Variants in ALOX15 observed in about 807,000 individuals in gnomAD.
The protein encoded by ALOX15 is arachidonate 15-lipoxygenase.
ALOX15 carries 68 observed loss-of-function variants against 71.7 expected under a neutral mutation model. That is an observed-to-expected ratio of 0.95 (90% CI 0.78 to 1.16). ALOX15 has a LOEUF of 1.16. Among genes scored for constraint, ALOX15 ranks in the 50% most tolerant of loss-of-function variants. The pLI is 0.00. For synonymous variants in ALOX15, 346 were observed against 333.3 expected (o/e 1.04, Z -0.42); for missense variants, 798 against 818.8 (o/e 0.97, Z 0.31).
rs138619686 is a variant in ALOX15, at chr17:4,641,299, G to A, written c.135+218C>T. Among the ~76,000 whole-genome samples the A allele has an allele frequency of 8.8e-3, 1,342 of 152,256 alleles. 14 individuals are homozygous for A. Among genetic ancestry groups the A allele is most frequent in the South Asian group, 0.046 (222 of 4,820 alleles). On this transcript the variant is annotated intron_variant, in intron 1 of 13. Transcript: ENST00000293761. ...ACAGGAGCATGCCCTCAATTCCAAGGAGATCGGGTAGCGGCAACATTTATT... is the reference window on the plus strand; with the variant it reads ...ACAGGAGCATGCCCTCAATTCCAAGAAGATCGGGTAGCGGCAACATTTATT...
chr17:4,637,060 G>A (rs11568109), intron 7 of ALOX15, 55 bp downstream of exon 7: 21,987 of 1,568,404 alleles, frequency 0.014, 387 homozygotes, highest in African/African-American at 0.084. Context: ...TTTGATAAGG[G>A]GCTGAGCTTT....
At chr17:4,633,078 C>A in intron 10 of ALOX15, 68 bp downstream of exon 10, 3 of 1,608,796 alleles carry the variant, frequency 1.9e-6, no homozygotes, top group Non-Finnish European at 1.7e-6. Context: ...CAGACGCAGA[C>A]CTCCTGCTCT....
intron 6 of ALOX15, 49 bp downstream of exon 6, chr17:4,638,168 G>A (rs1172514907): frequency 3.5e-6 from 2 of 578,444 alleles, no homozygotes; most frequent in Admixed American, 6.1e-5. Flanking sequence ...ATTGGCACTA[G>A]GCCACCCCAC....
Position 4,631,237 on chromosome 17 carries a change from C to A in ALOX15, c.*363G>T, listed in dbSNP as rs539035649. ...TCAAAGTGAGACTCTGTCTTAACAA[C>A]AACAAAAAAATCATATTTGATTCAT... On this transcript the variant is annotated 3_prime_UTR_variant, in exon 14 of 14. Transcript: ENST00000293761. 4.6e-5 allele frequency: 9 copies of A among 197,644 alleles called. No individual in the cohort carries two copies. In the East Asian group the frequency reaches 1.0e-3, roughly 23 times the overall value. The allele number at this position is 197,644 out of a possible 1,614,324, so 12.2% of individuals were successfully genotyped here. A position where few individuals can be genotyped will look rare whatever the true frequency, so the allele number is the denominator to read the frequency against.
intron 8 of ALOX15, among the ~76,000 whole-genome samples, chr17:4,635,112 C>T (rs1485712848): frequency 6.6e-6 from 1 of 151,732 alleles, no homozygotes; most frequent in Non-Finnish European, 1.5e-5. Context: ...ATCCATTACA[C>T]TAGGCTTCTT....
Position 4,633,257 on chromosome 17 carries a change from A to G in ALOX15, c.1307T>C (p.Leu436Pro). ...VQLLKQAGAF[L>P]TYSSFCPPDD... is the part of the protein sequence containing the mutation. The stretch of plus-strand genomic sequence containing the variant: ...AGGGGGACAGAAGGAGCTGTAGGTT[A>G]GGAAGGCTCCAGCTTGCTTGAGCAG... Residue 436 changes from leucine to proline, a missense_variant, in exon 10 of 14, where the codon CTA (leucine) becomes CCA (proline). Around this residue, in one of 3 missense-constraint regions of ALOX15, gnomAD observed 490 missense variants for 509.4 expected, o/e 0.96. Coordinates refer to ENST00000293761, the MANE Select transcript of ALOX15 (RefSeq NM_001140.5). 1.2e-6 allele frequency: 2 copies of G among 1,614,214 alleles called. No individual in the cohort carries two copies. The highest frequency in any genetic ancestry group is 1.7e-6 in the Non-Finnish European group (2 of 1,180,032).
At chr17:4,640,108 G>A (rs1911266707) in intron 1 of ALOX15, among the ~76,000 whole-genome samples, 1 of 121,270 alleles carries the variant, frequency 8.2e-6, no homozygotes, top group African/African-American at 3.2e-5. Flanking sequence ...GGGGAAAGGC[G>A]CGCAGAAAGA....
At position 4,631,486 on chromosome 17, in the gene ALOX15, G is replaced by C; in HGVS notation, c.*114C>G. On this transcript the variant is annotated 3_prime_UTR_variant, in exon 14 of 14. Transcript: ENST00000293761. Reference sequence around the variant, plus strand: ...GAGACCATGAAAAGGTGCCCCTCTAGGGAGGGTGGGACATGGGAAGAGGGT... The same window carrying C: ...GAGACCATGAAAAGGTGCCCCTCTACGGAGGGTGGGACATGGGAAGAGGGT... 7.6e-7 allele frequency: 1 copy of C among 1,323,184 alleles called. No homozygotes were observed. 82.0% of individuals were successfully genotyped at this position (1,323,184 alleles called of 1,614,324 possible).
At position 4,632,742 on chromosome 17, in the gene ALOX15, C is replaced by T. The variant is rs981659841; in HGVS notation, c.1540+119G>A. On this transcript the variant is annotated intron_variant, in intron 11 of 13. Transcript: ENST00000293761. ...TGACAGGGAGTGGAATCTGAGAAGG[C>T]CTCTGGAGTTCTCATAGGTGTTGAA... 2.7e-6 allele frequency: 4 copies of T among 1,501,356 alleles called. No homozygotes were observed. In the African/African-American group the frequency reaches 5.5e-5, roughly 21 times the overall value. The allele number at this position is 1,501,356 out of a possible 1,614,324, so 93.0% of individuals were successfully genotyped here. A position where few individuals can be genotyped will look rare whatever the true frequency, so the allele number is the denominator to read the frequency against.
Position 4,635,792 on chromosome 17 carries a change from C to T in ALOX15, c.1128G>A (p.Met376Ile). The change falls in exon 8 of 14, where the codon ATG becomes ATA. Residue 376 changes from methionine (M) to isoleucine (I), a missense_variant. Met to Ile is a conservative substitution (Grantham distance 10). Around this residue, in one of 3 missense-constraint regions of ALOX15, gnomAD observed 490 missense variants for 509.4 expected, o/e 0.96. Transcript: ENST00000293761. The stretch of plus-strand genomic sequence containing the variant: ...TAGGATGTATCGACGGCAGGCACCT[C>T]ATGGTGGCCACAACAATGACCTCAG... ...LMAEVIVVAT[M>I]RCLPSIHPIF... The T allele has an allele frequency of 6.2e-7, 1 of 1,614,230 alleles. No individual in the cohort carries two copies. The highest frequency in any genetic ancestry group is 8.5e-7 in the Non-Finnish European group (1 of 1,180,042).
chr17:4,635,382 C>T (rs1039659816), intron 8 of ALOX15, among the ~76,000 whole-genome samples: 5 of 150,224 alleles, frequency 3.3e-5, no homozygotes, highest in East Asian at 3.9e-4. Context: ...TGCAGTGAGC[C>T]GAGATCGCAT....
intron 6 of ALOX15, among the ~76,000 whole-genome samples, 171 bp from the exon 7 acceptor site, chr17:4,637,429 C>T (rs936264618): frequency 6.6e-6 from 1 of 151,738 alleles, no homozygotes; most frequent in African/African-American, 2.4e-5. Context: ...TAATCAGGGT[C>T]TTACCGTGCT....
Position 4,637,244 on chromosome 17 carries a change from G to C in ALOX15, c.822C>G (p.Phe274Leu). ...CATCCAGCAGGGAGAAGTCAGCTTC[G>C]AACAGTGTGCCTCCCTGGGTGGGGG... ...LEKELEGGTL[F>L]EADFSLLDGI... Residue 274 changes from phenylalanine (F) to leucine (L), a missense_variant, in exon 7 of 14, where the codon TTC becomes TTG. Coordinates refer to ENST00000293761, the MANE Select transcript of ALOX15 (RefSeq NM_001140.5). The C allele has an allele frequency of 6.2e-7, 1 of 1,613,046 alleles. No individual in the cohort carries two copies. Among genetic ancestry groups the C allele is most frequent in the Non-Finnish European group, 8.5e-7 (1 of 1,179,244 alleles).
At chr17:4,635,490 C>G (rs2150536136) in intron 8 of ALOX15, among the ~76,000 whole-genome samples, 1 of 151,970 alleles carries the variant, frequency 6.6e-6, no homozygotes, top group South Asian at 2.1e-4. Context: ...TCACGGGTTC[C>G]TCTTGTTGGA....
At chr17:4,634,097 G>T (rs1010937144) in intron 8 of ALOX15, among the ~76,000 whole-genome samples, 5 of 152,124 alleles carry the variant, frequency 3.3e-5, no homozygotes, top group Non-Finnish European at 7.3e-5. Context: ...TTATTACCTG[G>T]TGACAAAATA....
At chr17:4,632,639 A>G (rs1049844243) in intron 11 of ALOX15, among the ~76,000 whole-genome samples, 2 of 152,188 alleles carry the variant, frequency 1.3e-5, no homozygotes, top group African/African-American at 4.8e-5. Flanking sequence ...GTTGTTAAAC[A>G]TTTATGAGCA....
intron 4 of ALOX15, 48 bp from the exon 5 acceptor site, chr17:4,638,732 T>C (rs1911206083): frequency 6.2e-7 from 1 of 1,612,360 alleles, no homozygotes; most frequent in Non-Finnish European, 8.5e-7. Flanking sequence ...TCTGAGGCTC[T>C]AACATGACGA....
Position 4,632,204 on chromosome 17 carries a change from GT to G in ALOX15, c.1617del (p.Gln539HisfsTer38), listed in dbSNP as rs759553239. On this transcript the variant is annotated frameshift_variant, in exon 12 of 14. Transcript: ENST00000293761. LOFTEE classifies it high-confidence loss of function. Reference sequence around the variant, plus strand: ...ACCTGGCCCAGGTGCACAGAGGCGTGTTGGCCGGTGCAGGTGAAGATACACA... The same window carrying G: ...ACCTGGCCCAGGTGCACAGAGGCGTGTGGCCGGTGCAGGTGAAGATACACA... ...VTMCIFTCTGQHASVHLGQLD... is the reference protein window; with the variant it reads ...VTMCIFTCTGXHASVHLGQLD... 55 of 1,614,116 alleles carry G rather than the reference GT, an allele frequency of 3.4e-5. No individual in the cohort carries two copies. The Admixed American group carries it at 5.2e-4, about 15-fold the overall frequency.
Position 4,631,545 on chromosome 17 carries a change from G to C in ALOX15, c.*55C>G. The C allele has an allele frequency of 6.3e-7, 1 of 1,598,200 alleles. No individual in the cohort carries two copies. The highest frequency in any genetic ancestry group is 2.2e-5 in the East Asian group (1 of 44,802). On this transcript the variant is annotated 3_prime_UTR_variant, in exon 14 of 14. Transcript: ENST00000293761. ...GGAGGGCAGGGCTATAACCACGAAG[G>C]GGTCAGCTTGTGGCTTGGGTGATGG...
Sources: gnomAD v4.1 joint callset for allele counts (sites outside exome capture counted in the v4.1 genomes callset) on GRCh38, gnomAD v4.1.1 for gene constraint, gnomAD v4.1.1 regional missense constraint, MANE v1.5 for transcripts, NCBI Gene and HGNC (gene_info 2026-07-23, HGNC 2026-07-21) for gene names.